The following ENDOD1 variants were observed in gnomAD, a reference collection of about 807,000 sequenced individuals.
ENDOD1 encodes endonuclease domain containing 1.
In ENDOD1, 9 loss-of-function variants were observed where a neutral mutation model predicts 6.5. That is an observed-to-expected ratio of 1.39 (90% CI 0.84 to 2.43). ENDOD1 has a LOEUF of 2.43. Among genes scored for constraint, ENDOD1 ranks in the 30% most tolerant of loss-of-function variants. The pLI is 0.00. For synonymous variants in ENDOD1, 255 were observed against 255.2 expected, an observed-to-expected ratio of 1.00 and a Z score of 0.01; for missense variants, 648 against 635.5, an observed-to-expected ratio of 1.02 and a Z score of -0.21.
rs376494105 is a variant in ENDOD1 at position 95,129,017 on chromosome 11, C to T, written c.941C>T (p.Thr314Ile). 6.2e-7 allele frequency: 1 copy of T among 1,613,950 alleles called. No homozygotes were observed. The highest frequency in any genetic ancestry group is 8.5e-7 in the Non-Finnish European group (1 of 1,179,980). Residue 314 changes from threonine to isoleucine, a missense_variant, in exon 2 of 2, where the codon ACT (threonine) becomes ATT (isoleucine). Coordinates refer to ENST00000278505, the MANE Select transcript of ENDOD1 (RefSeq NM_015036.3). The part of the protein sequence containing the change: ...PLSSTRSKRS[T>I]LLPPEASEGS... ...TCTAGCACCAGGAGCAAGAGGTCTA[C>T]TCTGTTGCCTCCAGAGGCATCTGAG...
At chr11:95,118,360 T>A (rs1264793035) in intron 1 of ENDOD1, among the ~76,000 whole-genome samples, 3 of 152,228 alleles carry the variant, frequency 2.0e-5, no homozygotes, top group Non-Finnish European at 4.4e-5. Flanking sequence ...GTTGCTAAAA[T>A]CTCTCAGCTT....
At chr11:95,099,657 A>G (rs1394827387) in intron 1 of ENDOD1, among the ~76,000 whole-genome samples, 1 of 152,216 alleles carries the variant, frequency 6.6e-6, no homozygotes, top group Non-Finnish European at 1.5e-5. Context: ...CTAACTCAGA[A>G]CGTATACCTC....
intron 1 of ENDOD1, among the ~76,000 whole-genome samples, chr11:95,113,012 T>G (rs1009931948): frequency 5.9e-5 from 9 of 151,618 alleles, no homozygotes; most frequent in African/African-American, 2.2e-4. Context: ...CTGGGCAAAT[T>G]ACTGAAGCTT....
intron 1 of ENDOD1, among the ~76,000 whole-genome samples, chr11:95,115,305 T>G (rs529665432): frequency 6.6e-6 from 1 of 151,734 alleles, no homozygotes; most frequent in African/African-American, 2.4e-5. Context: ...GCTGTTGATA[T>G]ATAGAAATGT....
At chr11:95,107,156 T>A (rs1171860593) in intron 1 of ENDOD1, among the ~76,000 whole-genome samples, 4 of 151,636 alleles carry the variant, frequency 2.6e-5, no homozygotes, top group Non-Finnish European at 5.9e-5. Flanking sequence ...AACACCCTGA[T>A]GCTGGGGTTG....
chr11:95,090,099 C>T lies in ENDOD1; in HGVS notation c.172C>T (p.Arg58Cys). Residue 58 changes from arginine to cysteine, a missense_variant, in exon 1 of 2, where the codon CGC becomes TGC. Transcript: ENST00000278505. ...AADSHVKICQ[R>C]AEGAERFATL... ...CGATTCCCACGTGAAGATCTGTCAG[C>T]GCGCGGAGGGTGCTGAGCGCTTCGC... 2 of 1,594,932 alleles carry T rather than the reference C, an allele frequency of 1.3e-6. No individual in the cohort carries two copies. Among genetic ancestry groups the T allele is most frequent in the South Asian group, 1.1e-5 (1 of 87,704 alleles).
Position 95,125,009 on chromosome 11 carries a change from C to T in ENDOD1, c.301-3368C>T, listed in dbSNP as rs557922916. Among the ~76,000 whole-genome samples the T allele has an allele frequency of 2.6e-5, 4 of 152,180 alleles. No homozygotes were observed. In the South Asian group the frequency reaches 8.3e-4, roughly 32 times the overall value. On this transcript the variant is annotated intron_variant, in intron 1 of 1. Transcript: ENST00000278505. ...CTCATTTGCTTCCCTTTTTTATCCT[C>T]CCCTGTTCTCCTTCTGCCTCTTTCT... is the stretch of plus-strand genomic sequence containing the variant.
In ENDOD1 at chr11:95,090,157, T is replaced by C. The variant is rs539609900; in HGVS notation, c.230T>C (p.Val77Ala). ...TACAGCACCCGGGACCGCATCCCCGTGTACTCCGCGTTCCGCGCCCCGCGC... is the reference window on the plus strand; with the variant it reads ...TACAGCACCCGGGACCGCATCCCCGCGTACTCCGCGTTCCGCGCCCCGCGC... Reference protein sequence around the residue: ...TLYSTRDRIPVYSAFRAPRPA... With the variant: ...TLYSTRDRIPAYSAFRAPRPA... The change falls in exon 1 of 2, where the codon GTG becomes GCG. Residue 77 changes from valine to alanine, a missense_variant. Transcript: ENST00000278505. 22 of 1,471,558 alleles carry C rather than the reference T, an allele frequency of 1.5e-5. No individual in the cohort carries two copies. In the African/African-American group the frequency reaches 3.2e-4, roughly 21 times the overall value. The allele number at this position is 1,471,558 out of a possible 1,614,324, so 91.2% of individuals were successfully genotyped here.
chr11:95,089,959 G>T lies in ENDOD1; in HGVS notation c.32G>T (p.Ser11Ile). Residue 11 changes from serine (S) to isoleucine (I), a missense_variant, in exon 1 of 2, where the codon AGC becomes ATC. Transcript: ENST00000278505. ...ACCGCGCGCTGGCTCGCGCTGGGCA[G>T]CCTCTTCGCCCTGGCTGGGCTGCTG... is the stretch of plus-strand genomic sequence containing the variant. MGTARWLALG[S>I]LFALAGLLEG... The T allele has an allele frequency of 6.6e-7, 1 of 1,508,866 alleles. No homozygotes were observed. The highest frequency in any genetic ancestry group is 1.2e-5 in the South Asian group (1 of 80,062). 93.5% of individuals were successfully genotyped at this position (1,508,866 alleles called of 1,614,324 possible). A position where few individuals can be genotyped will look rare whatever the true frequency, so the allele number is the denominator to read the frequency against.
At position 95,102,351 on chromosome 11, in the gene ENDOD1, G is replaced by A. The variant is rs185123609; in HGVS notation, c.300+12124G>A. Among the ~76,000 whole-genome samples, 5 of 148,628 alleles carry A rather than the reference G, an allele frequency of 3.4e-5. No homozygotes were observed. The East Asian group carries it at 9.8e-4, about 29-fold the overall frequency. On this transcript the variant is annotated intron_variant, in intron 1 of 1. Coordinates refer to ENST00000278505, the MANE Select transcript of ENDOD1 (RefSeq NM_015036.3). Reference sequence around the variant, plus strand: ...ATTTATTACATATCATCGTGAAGCAGATGGCTCTTTCCTGCTTAAAAAAAA... The same window carrying A: ...ATTTATTACATATCATCGTGAAGCAAATGGCTCTTTCCTGCTTAAAAAAAA...
chr11:95,103,351 G>T (rs1859059853), intron 1 of ENDOD1, among the ~76,000 whole-genome samples: 1 of 152,024 alleles, frequency 6.6e-6, no homozygotes, highest in African/African-American at 2.4e-5. Context: ...TTCATTCCTG[G>T]TCAGCAGCTC....
chr11:95,094,510 T>A (rs782648316), intron 1 of ENDOD1, among the ~76,000 whole-genome samples: 24 of 152,260 alleles, frequency 1.6e-4, no homozygotes, highest in Admixed American at 2.6e-4. Context: ...AGTGTCACTT[T>A]ACTCTGGAAT....
chr11:95,093,013 A>G (rs1280100292), intron 1 of ENDOD1, among the ~76,000 whole-genome samples: 1 of 152,192 alleles, frequency 6.6e-6, no homozygotes, highest in South Asian at 2.1e-4. Flanking sequence ...CAGCAGTGAC[A>G]CTGAATTCCC....
chr11:95,111,859 C>T (rs1555111974), intron 1 of ENDOD1, among the ~76,000 whole-genome samples: 1 of 152,172 alleles, frequency 6.6e-6, no homozygotes, highest in African/African-American at 2.4e-5. Flanking sequence ...ACTCAAGTAG[C>T]CCCAGCCTCC....
At chr11:95,102,955 T>G (rs553035495) in intron 1 of ENDOD1, among the ~76,000 whole-genome samples, 1 of 152,202 alleles carries the variant, frequency 6.6e-6, no homozygotes, top group Non-Finnish European at 1.5e-5. Context: ...GACAGTGATG[T>G]CTCTCAGACT....
chr11:95,101,893 T>C (rs1157905827), intron 1 of ENDOD1, among the ~76,000 whole-genome samples: 1 of 152,228 alleles, frequency 6.6e-6, no homozygotes, highest in Non-Finnish European at 1.5e-5. Flanking sequence ...GGACTTCAAA[T>C]ATAAAGTCTA....
At position 95,089,990 on chromosome 11, in the gene ENDOD1, C is replaced by T; in HGVS notation, c.63C>T (p.Gly21=). 6.4e-7 allele frequency: 1 copy of T among 1,557,216 alleles called. No homozygotes were observed. The highest frequency in any genetic ancestry group is 1.2e-5 in the South Asian group (1 of 83,640). The change falls in exon 1 of 2, where the codon GGC becomes GGT. Residue 21 remains glycine (G), a synonymous_variant. Coordinates refer to ENST00000278505, the MANE Select transcript of ENDOD1 (RefSeq NM_015036.3). ...TCGCCCTGGCTGGGCTGCTGGAAGG[C>T]CGGCTCGTGGGCGAGGAGGAAGCCG... ...SLFALAGLLE[G]RLVGEEEAGF...
Position 95,128,962 on chromosome 11 carries a change from G to T in ENDOD1, c.886G>T (p.Val296Leu). 6.2e-7 allele frequency: 1 copy of T among 1,614,028 alleles called. No individual in the cohort carries two copies. The highest frequency in any genetic ancestry group is 1.1e-5 in the South Asian group (1 of 91,078). The change falls in exon 2 of 2, where the codon GTA becomes TTA. Residue 296 changes from valine to leucine, a missense_variant. Transcript: ENST00000278505. ...CCAAATCCAGGATGAAGAACGAATG[G>T]TACAATCTCAAAAGAGTTCTAGTCC... Reference protein sequence around the residue: ...VNQIQDEERMVQSQKSSSPLS... With the variant: ...VNQIQDEERMLQSQKSSSPLS...
chr11:95,111,924 C>T (rs190724087), intron 1 of ENDOD1, among the ~76,000 whole-genome samples: 103 of 152,280 alleles, frequency 6.8e-4, no homozygotes, highest in Non-Finnish European at 1.2e-3. Context: ...TTGTAACCTG[C>T]TTATCTCTCA....
Sources: allele counts gnomAD v4.1 joint callset (sites outside exome capture counted in the v4.1 genomes callset), GRCh38; gene constraint gnomAD v4.1.1; transcripts MANE v1.5; gene names NCBI Gene and HGNC (gene_info 2026-07-23, HGNC 2026-07-21).